The following DPP10 variants were observed in gnomAD, a reference collection of about 807,000 sequenced individuals.
DPP10 encodes the protein dipeptidyl peptidase like 10.
Under a neutral mutation model 120.9 loss-of-function variants are expected in DPP10, and 33 were observed. That is an observed-to-expected ratio of 0.27 (90% confidence interval 0.21 to 0.37). The LOEUF is 0.37. Among genes scored for constraint, DPP10 ranks in the 10% least tolerant of loss-of-function variants. DPP10 has a pLI of 1.00. For synonymous variants in DPP10, 337 were observed against 326.1 expected, an observed-to-expected ratio of 1.03 and a Z score of -0.36; for missense variants, 816 against 942.8, an observed-to-expected ratio of 0.87 and a Z score of 1.76.
chr2:115,491,587 GA>G (rs1263080250), intron 3 of DPP10, among the ~76,000 whole-genome samples: 1 of 152,156 alleles, frequency 6.6e-6, no homozygotes, highest in Non-Finnish European at 1.5e-5. Flanking sequence ...CTTCAGCCAG[GA>G]GGAGGGTTGT....
rs548833351 is a variant in DPP10 at position 115,086,688 on chromosome 2, C to A, written c.61-222551C>A. Among the ~76,000 whole-genome samples, 36 of 152,242 alleles carry A rather than the reference C, an allele frequency of 2.4e-4. No homozygotes were observed. The South Asian group carries it at 6.6e-3, about 28-fold the overall frequency. ...ATCCAGGAAGGTCTCGATCTCCTGA[C>A]CTCATGACCTGCTCGCCTCGGCCTC... On this transcript the variant is annotated intron_variant, in intron 1 of 25. Coordinates refer to ENST00000410059, the MANE Select transcript of DPP10 (RefSeq NM_020868.6).
At chr2:114,608,907 C>A (rs796867624) in intron 1 of DPP10, among the ~76,000 whole-genome samples, 1 of 151,988 alleles carries the variant, frequency 6.6e-6, no homozygotes, top group African/African-American at 2.4e-5. Flanking sequence ...AGAGGAAGGA[C>A]GGCAAGGGTT....
At chr2:115,138,795 G>A (rs1375825819) in intron 1 of DPP10, among the ~76,000 whole-genome samples, 1 of 152,114 alleles carries the variant, frequency 6.6e-6, no homozygotes, top group Non-Finnish European at 1.5e-5. Context: ...ACTTGTAGAT[G>A]CCATCAGAAT....
At chr2:114,866,889 A>G (rs1574375330) in intron 1 of DPP10, among the ~76,000 whole-genome samples, 1 of 152,242 alleles carries the variant, frequency 6.6e-6, no homozygotes, top group East Asian at 1.9e-4. Context: ...TAGCTCAAAC[A>G]GGATCATATT....
intron 3 of DPP10, among the ~76,000 whole-genome samples, chr2:115,377,472 A>G (rs2065902912): frequency 1.3e-5 from 2 of 152,116 alleles, no homozygotes; most frequent in South Asian, 2.1e-4. Context: ...AGATGAGTAG[A>G]TTGCAAAAAT....
intron 21 of DPP10, among the ~76,000 whole-genome samples, chr2:115,820,562 G>C (rs573451800): frequency 2.0e-4 from 30 of 152,060 alleles, no homozygotes; most frequent in Admixed American, 1.2e-3. Context: ...CCAGTGTGTA[G>C]TCTTTCATCC....
At chr2:115,459,970 C>T (rs1325638576) in intron 3 of DPP10, among the ~76,000 whole-genome samples, 1 of 130,874 alleles carries the variant, frequency 7.6e-6, no homozygotes, top group Non-Finnish European at 1.7e-5. Context: ...CATTATTATA[C>T]TAGATATTGT....
chr2:114,615,314 G>A (rs1246510934), intron 1 of DPP10, among the ~76,000 whole-genome samples: 1 of 152,058 alleles, frequency 6.6e-6, no homozygotes, highest in Non-Finnish European at 1.5e-5. Context: ...TACATACTGA[G>A]CACTATGGTT....
At chr2:114,522,965 C>A (rs1685197983) in intron 1 of DPP10, among the ~76,000 whole-genome samples, 1 of 152,200 alleles carries the variant, frequency 6.6e-6, no homozygotes, top group Non-Finnish European at 1.5e-5. Context: ...GTTCCTCCTA[C>A]AACACATGGG....
chr2:115,636,594 GAA>G (rs2086351225), intron 5 of DPP10, among the ~76,000 whole-genome samples: 2 of 151,924 alleles, frequency 1.3e-5, no homozygotes, highest in Admixed American at 1.3e-4. Flanking sequence ...GAGAGAGACA[GAA>G]AAAGAGAGAG....
At chr2:115,299,256 C>G (rs2061019289) in intron 1 of DPP10, among the ~76,000 whole-genome samples, 1 of 151,976 alleles carries the variant, frequency 6.6e-6, no homozygotes, top group Non-Finnish European at 1.5e-5. Flanking sequence ...AATGATATCA[C>G]TAGAAATAGT....
chr2:114,623,474 A>G lies in DPP10; in HGVS notation c.60+180636A>G, dbSNP rs1273076397. On this transcript the variant is annotated intron_variant, in intron 1 of 25. Transcript: ENST00000410059. ...AAATAGTATTTTGAGGTCAACCAAG[A>G]TGCACTTCTAGTTCCTTGCAATTTG... 3.9e-5 allele frequency among the ~76,000 whole-genome samples: 6 copies of G among 152,252 alleles called. No homozygotes were observed. In the East Asian group the frequency reaches 1.2e-3, roughly 29 times the overall value.
chr2:115,197,266 C>G (rs1271307875), intron 1 of DPP10, among the ~76,000 whole-genome samples: 1 of 151,994 alleles, frequency 6.6e-6, no homozygotes, highest in African/African-American at 2.4e-5. Context: ...GTGGTGCACA[C>G]CTGTAGTCCC....
At chr2:114,543,112 GGA>G (rs1687080807) in intron 1 of DPP10, among the ~76,000 whole-genome samples, 2 of 152,166 alleles carry the variant, frequency 1.3e-5, no homozygotes, top group Non-Finnish European at 2.9e-5. Context: ...TGGCACTGGA[GGA>G]GACTATGGTA....
chr2:114,623,956 T>A (rs1357375113), intron 1 of DPP10, among the ~76,000 whole-genome samples: 4 of 152,062 alleles, frequency 2.6e-5, no homozygotes, highest in Non-Finnish European at 5.9e-5. Flanking sequence ...CTTAGTATCC[T>A]CGTCTGTCAT....
chr2:115,816,364 G>A (rs754824351), intron 21 of DPP10, among the ~76,000 whole-genome samples: 4 of 152,200 alleles, frequency 2.6e-5, no homozygotes, highest in East Asian at 1.9e-4. Context: ...ACAAATGGAC[G>A]CTGGTCAAAT....
intron 1 of DPP10, among the ~76,000 whole-genome samples, chr2:114,477,583 C>G (rs906336264): frequency 9.9e-5 from 15 of 150,888 alleles, no homozygotes; most frequent in African/African-American, 3.6e-4. Flanking sequence ...GTCAGGAGTT[C>G]AAGACCTGCC....
At chr2:115,513,201 A>G (rs553244705) in intron 4 of DPP10, among the ~76,000 whole-genome samples, 5 of 151,908 alleles carry the variant, frequency 3.3e-5, no homozygotes, top group African/African-American at 4.8e-5. Flanking sequence ...AAACCATTCT[A>G]TCCTTGTTTT....
intron 5 of DPP10, among the ~76,000 whole-genome samples, chr2:115,564,150 T>A (rs1219178296): frequency 2.0e-5 from 3 of 151,984 alleles, no homozygotes; most frequent in Admixed American, 2.0e-4. Flanking sequence ...ATAAACATAT[T>A]CCAATTATGG....
Sources: allele counts gnomAD v4.1 joint callset (sites outside exome capture counted in the v4.1 genomes callset), GRCh38; gene constraint gnomAD v4.1.1; transcripts MANE v1.5; gene names NCBI Gene and HGNC (gene_info 2026-07-23, HGNC 2026-07-21).